The following ANKRD12 variants were observed in gnomAD, a reference collection of about 807,000 sequenced individuals.
ANKRD12 encodes the protein ankyrin repeat domain-containing protein 12.
A neutral mutation model predicts 183.4 loss-of-function variants in ANKRD12; 85 were observed. The ratio of observed to expected loss-of-function variants is 0.46; its 90% CI spans 0.39 to 0.56. The LOEUF (loss-of-function observed/expected upper bound fraction) is 0.56. ANKRD12 is among the 20% of genes least tolerant of loss of function. The pLI, the probability that ANKRD12 is intolerant of heterozygous loss-of-function variation, is 0.00. For synonymous variants in ANKRD12, 914 were observed against 800.2 expected, an observed-to-expected ratio of 1.14 and a Z score of -2.40; for missense variants, 2,405 against 2,357.1, an observed-to-expected ratio of 1.02 and a Z score of -0.42.
chr18:9,218,717 T>C (rs1365727328), intron 7 of ANKRD12, among the ~76,000 whole-genome samples: 1 of 151,662 alleles, frequency 6.6e-6, no homozygotes. Context: ...TCACCCACAC[T>C]AGAGTGTAGT....
At chr18:9,176,411 C>G (rs2033271341) in intron 1 of ANKRD12, among the ~76,000 whole-genome samples, 1 of 152,030 alleles carries the variant, frequency 6.6e-6, no homozygotes, top group Non-Finnish European at 1.5e-5. Context: ...CCACCTCAGC[C>G]TCCCCAGTAG....
intron 2 of ANKRD12, among the ~76,000 whole-genome samples, chr18:9,186,518 A>G (rs943550573): frequency 2.0e-5 from 3 of 152,330 alleles, no homozygotes; most frequent in Admixed American, 2.0e-4. Flanking sequence ...TTGGGATTTC[A>G]GAGCAGTTTG....
At chr18:9,148,896 T>A (rs1478786451) in intron 1 of ANKRD12, among the ~76,000 whole-genome samples, 1 of 151,532 alleles carries the variant, frequency 6.6e-6, no homozygotes, top group Non-Finnish European at 1.5e-5. Flanking sequence ...ATGAGATCCC[T>A]TCCTGCTTCA....
At chr18:9,230,417 TC>T (rs1007748169) in intron 8 of ANKRD12, among the ~76,000 whole-genome samples, 1 of 152,176 alleles carries the variant, frequency 6.6e-6, no homozygotes, top group Non-Finnish European at 1.5e-5. Flanking sequence ...GATTTTTCAT[TC>T]CATAGATCCT....
chr18:9,276,667 T>G (rs532115339), intron 11 of ANKRD12, among the ~76,000 whole-genome samples: 1 of 152,052 alleles, frequency 6.6e-6, no homozygotes, highest in South Asian at 2.1e-4. Context: ...TGAGCTGGAT[T>G]GTACCACTGC....
intron 1 of ANKRD12, among the ~76,000 whole-genome samples, chr18:9,180,281 T>C (rs570833738): frequency 1.3e-5 from 2 of 152,344 alleles, no homozygotes; most frequent in South Asian, 4.1e-4. Flanking sequence ...TTGCTTTCTT[T>C]CTAAGCACTT....
chr18:9,267,408 T>G (rs151337087), intron 10 of ANKRD12, among the ~76,000 whole-genome samples: 86 of 151,982 alleles, frequency 5.7e-4, no homozygotes, highest in African/African-American at 1.9e-3. Flanking sequence ...GAACAGAAAT[T>G]ATAACAAACT....
At chr18:9,272,298 C>T (rs117739723) in intron 10 of ANKRD12, among the ~76,000 whole-genome samples, 1 of 152,128 alleles carries the variant, frequency 6.6e-6, no homozygotes, top group Non-Finnish European at 1.5e-5. Flanking sequence ...CATGGTGGCT[C>T]ACGCCTGTTA....
In ANKRD12 at chr18:9,255,310, T is replaced by C; in HGVS notation, c.2043T>C (p.Ser681=). Residue 681 remains serine, a synonymous_variant, in exon 9 of 13, where the codon AGT becomes AGC. Transcript: ENST00000262126. The part of the protein sequence containing the change: ...GEKEKYKTKD[S]AKELQRSVEF... Reference sequence around the variant, plus strand: ...AGGAAAAATACAAAACTAAGGATAGTGCCAAAGAACTGCAGAGGAGTGTGG... The same window carrying C: ...AGGAAAAATACAAAACTAAGGATAGCGCCAAAGAACTGCAGAGGAGTGTGG... The C allele has an allele frequency of 5.7e-6, 9 of 1,591,546 alleles. No homozygotes were observed. Among genetic ancestry groups the C allele is most frequent in the Non-Finnish European group, 7.7e-6 (9 of 1,174,438 alleles).
At chr18:9,254,163 A>C in intron 8 of ANKRD12, 48 bp from the exon 9 acceptor site, 2 of 1,443,172 alleles carry the variant, frequency 1.4e-6, no homozygotes, top group Non-Finnish European at 1.8e-6. Flanking sequence ...TTTTTCTGGC[A>C]GTTGTGTTTT....
At chr18:9,208,582 A>C (rs533394209) in intron 4 of ANKRD12, 75 bp from the exon 5 acceptor site, 3 of 1,374,602 alleles carry the variant, frequency 2.2e-6, no homozygotes, top group Non-Finnish European at 3.0e-6. Flanking sequence ...AGCATCTATC[A>C]AAAAATTCAT....
chr18:9,198,003 G>A (rs1464218062), intron 3 of ANKRD12, among the ~76,000 whole-genome samples: 5 of 152,154 alleles, frequency 3.3e-5, no homozygotes, highest in Non-Finnish European at 7.4e-5. Context: ...TACAAAATGT[G>A]TTATTTACGA....
intron 9 of ANKRD12, chr18:9,260,481 A>G (rs1163022324): frequency 1.3e-5 from 2 of 152,204 alleles, no homozygotes; most frequent in African/African-American, 4.8e-5. Context: ...AAGGGGAGTA[A>G]AACTGCAGGT....
At chr18:9,204,383 A>T (rs1269283834) in intron 3 of ANKRD12, 93 bp from the exon 4 acceptor site, 2 of 843,852 alleles carry the variant, frequency 2.4e-6, no homozygotes, top group Admixed American at 2.5e-5. Flanking sequence ...ATAGCTTATT[A>T]ACTGGTGGTC....
rs375404606 is a variant in ANKRD12, at chr18:9,258,178, G to T, written c.4911G>T (p.Leu1637=). ...TTTCACATGAAAAAGAAAACAAACTGGAGAGTTTGGTTTTAACTCATTTGA... is the reference window on the plus strand; with the variant it reads ...TTTCACATGAAAAAGAAAACAAACTTGAGAGTTTGGTTTTAACTCATTTGA... The part of the protein sequence containing the change: ...QVISHEKENK[L]ESLVLTHLSR... The change falls in exon 9 of 13, where the codon CTG becomes CTT. Residue 1637 remains leucine, a synonymous_variant. Transcript: ENST00000262126. 60 of 1,613,664 alleles carry T rather than the reference G, an allele frequency of 3.7e-5. No homozygotes were observed. Among genetic ancestry groups the T allele is most frequent in the Admixed American group, 1.8e-4 (11 of 59,908 alleles).
intron 1 of ANKRD12, among the ~76,000 whole-genome samples, chr18:9,158,502 C>G (rs114132942): frequency 1.3e-5 from 2 of 152,222 alleles, no homozygotes; most frequent in African/African-American, 4.8e-5. Flanking sequence ...TAGAATTTGT[C>G]TTAAGTTTTT....
At chr18:9,272,297 T>G (rs1472470337) in intron 10 of ANKRD12, among the ~76,000 whole-genome samples, 7 of 152,170 alleles carry the variant, frequency 4.6e-5, no homozygotes, top group Admixed American at 1.3e-4. Context: ...GCATGGTGGC[T>G]CACGCCTGTT....
At chr18:9,267,230 A>G (rs925268454) in intron 10 of ANKRD12, among the ~76,000 whole-genome samples, 7 of 152,194 alleles carry the variant, frequency 4.6e-5, no homozygotes, top group African/African-American at 1.7e-4. Flanking sequence ...AAAGTTAACA[A>G]GGATATCCAG....
At chr18:9,215,933 A>C (rs945093111) in intron 6 of ANKRD12, among the ~76,000 whole-genome samples, 1 of 152,030 alleles carries the variant, frequency 6.6e-6, no homozygotes, top group African/African-American at 2.4e-5. Context: ...AACAGTTTCA[A>C]GTGATGAGGA....
Sources: allele counts gnomAD v4.1 joint callset (sites outside exome capture counted in the v4.1 genomes callset), GRCh38; gene constraint gnomAD v4.1.1; transcripts MANE v1.5; gene names NCBI Gene and HGNC (gene_info 2026-07-23, HGNC 2026-07-21).